Variants in TASP1 observed in about 807,000 individuals in gnomAD.
TASP1 encodes taspase 1.
TASP1 carries 16 observed loss-of-function variants against 56.6 expected under a neutral mutation model. The observed-to-expected ratio is 0.28, with a 90% CI of 0.19 to 0.43. TASP1 has a LOEUF of 0.43. Ranked by LOEUF, TASP1 falls within the 20% of genes least tolerant of loss-of-function variation. The pLI is 1.00. For missense variants in TASP1, 393 were observed against 511.6 expected (o/e 0.77, Z 2.24); for synonymous variants, 179 against 184.2 (o/e 0.97, Z 0.23).
chr20:13,636,928 A>G (rs1178705303), intron 1 of TASP1, among the ~76,000 whole-genome samples: 1 of 152,244 alleles, frequency 6.6e-6, no homozygotes, highest in Non-Finnish European at 1.5e-5. Flanking sequence ...CTAAGTAGAT[A>G]AAGGACACCA....
the TASP1 span, among the ~76,000 whole-genome samples, chr20:13,321,977 T>G: frequency 6.6e-6 from 1 of 152,208 alleles, no homozygotes; most frequent in Admixed American, 6.5e-5. Flanking sequence ...ACGATACTGT[T>G]GCTCACAGGG....
the TASP1 span, among the ~76,000 whole-genome samples, chr20:13,269,141 A>G: frequency 6.6e-6 from 1 of 152,152 alleles, no homozygotes; most frequent in East Asian, 1.9e-4. Context: ...ATACACTCCC[A>G]AACCCCAAAA....
intron 11 of TASP1, among the ~76,000 whole-genome samples, chr20:13,482,717 G>A (rs971298679): frequency 1.2e-4 from 18 of 152,174 alleles, no homozygotes; most frequent in Admixed American, 6.5e-4. Context: ...TAACAATTAC[G>A]TAAATCACAT....
chr20:13,541,774 G>T (rs2045630692), intron 8 of TASP1, among the ~76,000 whole-genome samples: 1 of 151,996 alleles, frequency 6.6e-6, no homozygotes, highest in African/African-American at 2.4e-5. Context: ...CATGAAGAAG[G>T]GAAATAAATG....
chr20:13,244,457 T>C, the TASP1 span: 2 of 151,896 alleles, frequency 1.3e-5, no homozygotes, highest in African/African-American at 4.8e-5. Flanking sequence ...TTACATGTCC[T>C]CAAGTCCTAC....
chr20:13,290,842 G>A, the TASP1 span, among the ~76,000 whole-genome samples: 1 of 152,112 alleles, frequency 6.6e-6, no homozygotes, highest in Non-Finnish European at 1.5e-5. Context: ...GTACTCATTC[G>A]ACAGCTATAG....
the TASP1 span, among the ~76,000 whole-genome samples, chr20:13,358,805 G>C: frequency 1.3e-5 from 2 of 148,440 alleles, no homozygotes; most frequent in Non-Finnish European, 3.0e-5. Flanking sequence ...GTCAGACCAC[G>C]CAGGGACGCC....
chr20:13,198,499 G>A, the TASP1 span, among the ~76,000 whole-genome samples: 759 of 152,220 alleles, frequency 5.0e-3, 8 homozygotes, highest in African/African-American at 0.018. Flanking sequence ...CACATTGAGG[G>A]TTAGGATTTC....
At chr20:13,175,517 G>T in the TASP1 span, among the ~76,000 whole-genome samples, 11 of 152,280 alleles carry the variant, frequency 7.2e-5, no homozygotes, top group Admixed American at 1.3e-4. Flanking sequence ...GTGAGAGGTG[G>T]GAAGTTAGAC....
chr20:13,444,334 C>A (rs192228997), intron 11 of TASP1, among the ~76,000 whole-genome samples: 2 of 152,144 alleles, frequency 1.3e-5, no homozygotes, highest in African/African-American at 4.8e-5. Context: ...AATTTCTGTC[C>A]TTTCAATGAA....
intron 10 of TASP1, among the ~76,000 whole-genome samples, chr20:13,519,258 C>T (rs1262478842): frequency 6.6e-6 from 1 of 152,036 alleles, no homozygotes; most frequent in African/African-American, 2.4e-5. Flanking sequence ...TAGGATCAAT[C>T]GTACCACAAC....
chr20:13,406,375 G>A (rs2041921281), intron 13 of TASP1, among the ~76,000 whole-genome samples: 1 of 152,148 alleles, frequency 6.6e-6, no homozygotes, highest in African/African-American at 2.4e-5. Flanking sequence ...CAGGGAACAC[G>A]TCTTGCACAT....
At chr20:13,324,165 G>A in the TASP1 span, among the ~76,000 whole-genome samples, 1 of 152,120 alleles carries the variant, frequency 6.6e-6, no homozygotes, top group African/African-American at 2.4e-5. Context: ...TAACCCTCAC[G>A]AATGCTTGTG....
rs565530419 is a variant in TASP1 at position 13,619,681 on chromosome 20, A to C, written c.282+3765T>G. Reference sequence around the variant, plus strand: ...TCCAAAACTATTTCAAAGGCAGCCAAAAAAGCAACTGTCATCCAAATGTAT... The same window carrying C: ...TCCAAAACTATTTCAAAGGCAGCCACAAAAGCAACTGTCATCCAAATGTAT... On this transcript the variant is annotated intron_variant, in intron 4 of 13. Transcript: ENST00000337743. 1.4e-4 allele frequency among the ~76,000 whole-genome samples: 22 copies of C among 152,314 alleles called. 1 individual carries two copies. The South Asian group carries it at 4.4e-3, about 30-fold the overall frequency.
chr20:13,588,250 AAAGG>A (rs71334135), intron 4 of TASP1, among the ~76,000 whole-genome samples: 14,058 of 96,354 alleles, frequency 0.15, 1,151 homozygotes, highest in Non-Finnish European at 0.15. Flanking sequence ...AGAAAGGAAG[AAAGG>A]AAGGAAGGAA....
the TASP1 span, among the ~76,000 whole-genome samples, chr20:13,189,906 C>T: frequency 5.3e-5 from 8 of 152,138 alleles, no homozygotes; most frequent in Non-Finnish European, 8.8e-5. Flanking sequence ...AACATAGGTG[C>T]CCATCAGTGG....
chr20:13,257,126 C>T, the TASP1 span, among the ~76,000 whole-genome samples: 2 of 152,214 alleles, frequency 1.3e-5, no homozygotes, highest in African/African-American at 4.8e-5. Flanking sequence ...ATAACATGCT[C>T]AACATGAAGC....
the TASP1 span, among the ~76,000 whole-genome samples, chr20:13,267,886 C>T: frequency 3.3e-5 from 5 of 152,154 alleles, no homozygotes; most frequent in Admixed American, 2.6e-4. Flanking sequence ...AGTACTAAAG[C>T]AATTGGGAAG....
At chr20:13,317,886 A>G in the TASP1 span, among the ~76,000 whole-genome samples, 1 of 151,074 alleles carries the variant, frequency 6.6e-6, no homozygotes, top group Non-Finnish European at 1.5e-5. Flanking sequence ...GTGTTAGGCA[A>G]TGACTTTTTA....
Sources: allele counts gnomAD v4.1 joint callset (sites outside exome capture counted in the v4.1 genomes callset), GRCh38; gene constraint gnomAD v4.1.1; transcripts MANE v1.5; gene names NCBI Gene and HGNC (gene_info 2026-07-23, HGNC 2026-07-21).